NR2C2: variants seen among roughly 807,000 people sequenced by gnomAD.
The protein encoded by NR2C2 is Nuclear hormone receptor TR4.
Under a neutral mutation model 62.9 loss-of-function variants are expected in NR2C2, and 6 were observed. The ratio of observed to expected loss-of-function variants is 0.10; its 90% CI spans 0.05 to 0.19. The LOEUF is 0.19. NR2C2 is among the 10% of genes least tolerant of loss of function. The pLI is 1.00. For synonymous variants in NR2C2, 272 were observed against 273.8 expected, an observed-to-expected ratio of 0.99 and a Z score of 0.07; for missense variants, 479 against 762.7, an observed-to-expected ratio of 0.63 and a Z score of 4.38.
At chr3:14,978,483 A>G (rs2040270388) in intron 1 of NR2C2, among the ~76,000 whole-genome samples, 1 of 152,194 alleles carries the variant, frequency 6.6e-6, no homozygotes, top group African/African-American at 2.4e-5. Context: ...CTGAATGTGT[A>G]TTGCTTTTGT....
intron 1 of NR2C2, among the ~76,000 whole-genome samples, chr3:14,972,721 T>C (rs1230330142): frequency 2.0e-5 from 3 of 152,156 alleles, no homozygotes; most frequent in Non-Finnish European, 4.4e-5. Context: ...TTCCACAGGC[T>C]GTACAGAGAG....
At chr3:14,956,564 C>CA (rs2039530452) in intron 1 of NR2C2, among the ~76,000 whole-genome samples, 1 of 152,010 alleles carries the variant, frequency 6.6e-6, no homozygotes, top group African/African-American at 2.4e-5. Context: ...TTTTTTGAGA[C>CA]AAGAGTTTTA....
Position 14,948,107 on chromosome 3 carries a change from C to G in NR2C2, c.-40+201C>G, listed in dbSNP as rs1307504500. 2.6e-5 allele frequency: 4 copies of G among 152,036 alleles called. No individual in the cohort carries two copies. The South Asian group carries it at 6.2e-4, about 24-fold the overall frequency. 9.4% of individuals were successfully genotyped at this position (152,036 alleles called of 1,614,324 possible). A position where few individuals can be genotyped will look rare whatever the true frequency, so the allele number is the denominator to read the frequency against. On this transcript the variant is annotated intron_variant, in intron 1 of 13. Coordinates refer to ENST00000425241, the MANE Select transcript of NR2C2 (RefSeq NM_001291694.2). ...CCCGCCCGCGGCCGGGCGAAGCGAG[C>G]GGGTTCCCCCTGACCGGCCCGGCCG...
chr3:15,014,429 G>C (rs1347791251), intron 3 of NR2C2, among the ~76,000 whole-genome samples: 2 of 151,870 alleles, frequency 1.3e-5, no homozygotes, highest in African/African-American at 2.4e-5. Context: ...AGTATCCCAT[G>C]ATGGCTGAGC....
intron 1 of NR2C2, among the ~76,000 whole-genome samples, chr3:14,953,296 A>G (rs1487715205): frequency 6.6e-6 from 1 of 152,228 alleles, no homozygotes; most frequent in Non-Finnish European, 1.5e-5. Flanking sequence ...CAAAGATTCT[A>G]ATCCCTGAAA....
At chr3:14,963,028 G>C (rs989271767) in intron 1 of NR2C2, among the ~76,000 whole-genome samples, 1 of 152,176 alleles carries the variant, frequency 6.6e-6, no homozygotes, top group Non-Finnish European at 1.5e-5. Flanking sequence ...TTTGATCCTG[G>C]AGGTGGATCT....
chr3:14,990,919 T>A (rs1229016432), intron 1 of NR2C2, among the ~76,000 whole-genome samples: 2 of 152,262 alleles, frequency 1.3e-5, no homozygotes, highest in Non-Finnish European at 2.9e-5. Context: ...GAACTTGTAT[T>A]TGAATATGCT....
chr3:14,990,498 G>T (rs2040638840), intron 1 of NR2C2, among the ~76,000 whole-genome samples: 1 of 152,200 alleles, frequency 6.6e-6, no homozygotes, highest in Admixed American at 6.5e-5. Flanking sequence ...CGCAGAGCTG[G>T]GTCACAGAGA....
chr3:15,031,364 C>T (rs1200241693), intron 9 of NR2C2, among the ~76,000 whole-genome samples: 1 of 130,888 alleles, frequency 7.6e-6, no homozygotes, highest in Non-Finnish European at 1.6e-5. Flanking sequence ...CTCCTTTTCC[C>T]CCAGTATTTT....
intron 2 of NR2C2, among the ~76,000 whole-genome samples, chr3:15,005,719 C>G (rs902951857): frequency 6.6e-6 from 1 of 151,908 alleles, no homozygotes; most frequent in African/African-American, 2.4e-5. Flanking sequence ...TTGCATCTGT[C>G]TGTGTCTTTA....
rs1384983114 is a variant in NR2C2 at position 14,947,718 on chromosome 3, T to G, written c.-228T>G. On this transcript the variant is annotated 5_prime_UTR_variant, in exon 1 of 14. Transcript: ENST00000425241. ...GACCCCGGCGGCGCCCCCGGGCCCG[T>G]CCCCGCCACCCCGCTCCCACCTCGG... 6.9e-6 allele frequency: 1 copy of G among 144,564 alleles called. No individual in the cohort carries two copies. The highest frequency in any genetic ancestry group is 6.8e-5 in the Admixed American group (1 of 14,704). 9.0% of individuals were successfully genotyped at this position (144,564 alleles called of 1,614,324 possible).
At chr3:15,034,307 C>T (rs1231139109) in intron 10 of NR2C2, 2 of 171,704 alleles carry the variant, frequency 1.2e-5, no homozygotes, top group East Asian at 1.7e-4. Context: ...CCCGTAGCCT[C>T]TCATGACCTT....
At chr3:15,004,036 C>T in intron 2 of NR2C2, 50 bp downstream of exon 2, 1 of 1,500,132 alleles carries the variant, frequency 6.7e-7, no homozygotes, top group Non-Finnish European at 9.1e-7. Flanking sequence ...AGAACTCTTT[C>T]CAAAAACAAA....
intron 1 of NR2C2, among the ~76,000 whole-genome samples, chr3:14,970,347 A>G (rs576470058): frequency 3.7e-4 from 57 of 152,178 alleles, no homozygotes; most frequent in Middle Eastern, 3.4e-3. Context: ...AAAATTTACC[A>G]TTTTAACTGT....
rs1296610549 is a variant in NR2C2, at chr3:15,044,638, C to T, written c.*1630C>T. On this transcript the variant is annotated 3_prime_UTR_variant, in exon 14 of 14. Transcript: ENST00000425241. ...ACCCTGTTGGGTTAAATTTGCCTCTCTTGATTTGTTAATCAGATGATATCC... is the reference window on the plus strand; with the variant it reads ...ACCCTGTTGGGTTAAATTTGCCTCTTTTGATTTGTTAATCAGATGATATCC... 1.3e-5 allele frequency: 2 copies of T among 152,256 alleles called. No homozygotes were observed. Among genetic ancestry groups the T allele is most frequent in the African/African-American group, 4.8e-5 (2 of 41,468 alleles). 9.4% of individuals were successfully genotyped at this position (152,256 alleles called of 1,614,324 possible).
chr3:14,995,360 C>A (rs1436717395), intron 1 of NR2C2, among the ~76,000 whole-genome samples: 2 of 150,922 alleles, frequency 1.3e-5, no homozygotes, highest in African/African-American at 4.9e-5. Context: ...TAGCTCTCAC[C>A]CCCCAGCCCT....
chr3:15,001,318 GTTTTTT>G lies in NR2C2; in HGVS notation c.-39-2543_-39-2538del, dbSNP rs61017075. Among the ~76,000 whole-genome samples the G allele has an allele frequency of 2.5e-3, 239 of 97,512 alleles. 1 individual carries two copies. Among genetic ancestry groups the G allele is most frequent in the African/African-American group, 8.4e-3 (220 of 26,086 alleles). The allele number at this position is 97,512 out of a possible 152,430, so 64.0% of individuals were successfully genotyped here. On this transcript the variant is annotated intron_variant, in intron 1 of 13. Transcript: ENST00000425241. Reference sequence around the variant, plus strand: ...ATTGATTATTGTGTTTTTGTTTTGGGTTTTTTTTTTTTTTTTTTTTGGTTTTTTTTT... The same window carrying G: ...ATTGATTATTGTGTTTTTGTTTTGGGTTTTTTTTTTTTTTGGTTTTTTTTT...
chr3:14,981,740 G>T (rs930054944), intron 1 of NR2C2, among the ~76,000 whole-genome samples: 38 of 152,132 alleles, frequency 2.5e-4, no homozygotes, highest in Non-Finnish European at 4.9e-4. Flanking sequence ...CAACAGTGCA[G>T]CCTTCAGTCG....
intron 1 of NR2C2, among the ~76,000 whole-genome samples, chr3:14,990,527 C>T (rs1413020175): frequency 6.6e-6 from 1 of 152,188 alleles, no homozygotes; most frequent in African/African-American, 2.4e-5. Context: ...TTAAACAGCC[C>T]TGTCTGGTTT....
Sources: gnomAD v4.1 joint callset for allele counts (sites outside exome capture counted in the v4.1 genomes callset) on GRCh38, gnomAD v4.1.1 for gene constraint, MANE v1.5 for transcripts, NCBI Gene and HGNC (gene_info 2026-07-23, HGNC 2026-07-21) for gene names.